TERF1: variants seen among roughly 807,000 people sequenced by gnomAD.
TERF1 encodes the protein telomeric repeat binding factor 1, also known as telomeric repeat-binding factor 1.
In TERF1, 20 loss-of-function variants were observed where a neutral mutation model predicts 55.1. The observed-to-expected ratio is 0.36, with a 90% CI of 0.26 to 0.53. TERF1 has a LOEUF of 0.53. Among genes scored for constraint, TERF1 ranks in the 20% least tolerant of loss-of-function variants. The pLI is 0.91. For missense variants in TERF1, 439 were observed against 535.7 expected (o/e 0.82, Z 1.78); for synonymous variants, 168 against 181.2 (o/e 0.93, Z 0.59).
Position 73,026,923 on chromosome 8 carries a change from C to T in TERF1, c.775-17C>T. On this transcript the variant is annotated splice_polypyrimidine_tract_variant and intron_variant, in intron 5 of 9. Transcript: ENST00000276603. ...GCATTTCTTCCTATCCTTCTACCTCCACGCACGTTTTTTAAGGCAGCGGCA... is the reference window on the plus strand; with the variant it reads ...GCATTTCTTCCTATCCTTCTACCTCTACGCACGTTTTTTAAGGCAGCGGCA... 4 of 1,593,038 alleles carry T rather than the reference C, an allele frequency of 2.5e-6. No individual in the cohort carries two copies. Among genetic ancestry groups the T allele is most frequent in the Non-Finnish European group, 3.4e-6 (4 of 1,164,146 alleles).
intron 8 of TERF1, among the ~76,000 whole-genome samples, chr8:73,037,841 TATA>T (rs1809653676): frequency 2.8e-5 from 3 of 108,028 alleles, no homozygotes; most frequent in Non-Finnish European, 5.2e-5. Context: ...TAATAATATA[TATA>T]ATATATAATA....
At chr8:73,025,037 C>T in intron 5 of TERF1, 66 bp downstream of exon 5, 1 of 984,030 alleles carries the variant, frequency 1.0e-6, no homozygotes, top group Non-Finnish European at 1.4e-6. Flanking sequence ...AAGGAGAATA[C>T]TTGAAATAGA....
chr8:73,010,814 A>T (rs980149669), intron 1 of TERF1: 3 of 152,258 alleles, frequency 2.0e-5, no homozygotes, highest in African/African-American at 7.2e-5. Flanking sequence ...AGAACAATAG[A>T]TACATGGGAT....
chr8:73,032,871 GA>G (rs1188811851), intron 8 of TERF1, among the ~76,000 whole-genome samples: 2 of 151,692 alleles, frequency 1.3e-5, no homozygotes, highest in Non-Finnish European at 2.9e-5. Flanking sequence ...CTGATACTGA[GA>G]TTTTTTTTTT....
intron 6 of TERF1, among the ~76,000 whole-genome samples, chr8:73,029,622 G>A (rs946703406): frequency 5.3e-5 from 8 of 151,998 alleles, no homozygotes; most frequent in Non-Finnish European, 1.2e-4. Flanking sequence ...AAAAGGGGGT[G>A]TAATATTTGT....
chr8:73,034,197 T>C (rs1329375877), intron 8 of TERF1, among the ~76,000 whole-genome samples: 1 of 152,160 alleles, frequency 6.6e-6, no homozygotes, highest in African/African-American at 2.4e-5. Flanking sequence ...GGTGGATCAA[T>C]CTCGGCTCAC....
chr8:73,024,705 T>C (rs1457419792), intron 4 of TERF1, 117 bp from the exon 5 acceptor site: 5 of 742,482 alleles, frequency 6.7e-6, no homozygotes, highest in Non-Finnish European at 1.0e-5. Flanking sequence ...TTTAAAAATA[T>C]CTGTGTCTCT....
At chr8:73,020,599 A>G (rs1389641997) in intron 2 of TERF1, 85 bp from the exon 3 acceptor site, 2 of 1,205,524 alleles carry the variant, frequency 1.7e-6, no homozygotes, top group Non-Finnish European at 2.3e-6. Context: ...TACACTCAGT[A>G]AATATTTAAA....
chr8:73,039,758 C>T (rs1485922398), intron 9 of TERF1, among the ~76,000 whole-genome samples: 1 of 139,578 alleles, frequency 7.2e-6, no homozygotes, highest in East Asian at 2.1e-4. Flanking sequence ...TAAATCTGGT[C>T]TTTGTTTTTG....
chr8:73,023,937 C>T (rs1808875049), intron 4 of TERF1, among the ~76,000 whole-genome samples: 1 of 152,156 alleles, frequency 6.6e-6, no homozygotes, highest in South Asian at 2.1e-4. Context: ...CACTTCTAGA[C>T]AATACCTTAG....
chr8:73,038,382 T>C (rs1809693495), intron 8 of TERF1, among the ~76,000 whole-genome samples: 2 of 151,888 alleles, frequency 1.3e-5, no homozygotes, highest in African/African-American at 4.8e-5. Flanking sequence ...GGCAGAAGTA[T>C]CACTTGAGCC....
rs753789792 is a variant in TERF1, at chr8:73,026,910, A to G, written c.775-30A>G. ...AAAATGGCTTAATGCATTTCTTCCT[A>G]TCCTTCTACCTCCACGCACGTTTTT... On this transcript the variant is annotated intron_variant, in intron 5 of 9. Transcript: ENST00000276603. The G allele has an allele frequency of 1.8e-5, 28 of 1,541,422 alleles. No homozygotes were observed. The Admixed American group carries it at 4.8e-4, about 27-fold the overall frequency.
chr8:73,012,067 T>C (rs892034259), intron 1 of TERF1: 5 of 152,224 alleles, frequency 3.3e-5, no homozygotes, highest in Admixed American at 6.5e-5. Context: ...TTGCAACTCT[T>C]CCTTTCACTG....
chr8:73,018,000 C>T (rs568150604), intron 2 of TERF1, among the ~76,000 whole-genome samples: 4 of 152,214 alleles, frequency 2.6e-5, no homozygotes, highest in South Asian at 4.2e-4. Flanking sequence ...TGAGCCACCG[C>T]GCCTGGCCAT....
At position 73,022,317 on chromosome 8, in the gene TERF1, T is replaced by C. The variant is rs1563460483; in HGVS notation, c.624+15T>C. On this transcript the variant is annotated intron_variant, in intron 4 of 9. Coordinates refer to ENST00000276603, the MANE Select transcript of TERF1 (RefSeq NM_017489.3). ...ATTCTCATATGGTAATTATTTAAAT[T>C]AAAACCATAGAATTTTAGAAGTGTT... 2.0e-6 allele frequency: 3 copies of C among 1,484,234 alleles called. No homozygotes were observed. The African/African-American group carries it at 4.3e-5, about 21-fold the overall frequency. The allele number at this position is 1,484,234 out of a possible 1,614,324, so 91.9% of individuals were successfully genotyped here.
intron 8 of TERF1, among the ~76,000 whole-genome samples, chr8:73,034,579 A>G (rs1219584588): frequency 6.6e-6 from 1 of 152,120 alleles, no homozygotes; most frequent in East Asian, 1.9e-4. Flanking sequence ...TTCAAAAACT[A>G]ATTTTTGTGT....
rs1808144724 is a variant in TERF1 at position 73,008,954 on chromosome 8, C to T, written c.68C>T (p.Pro23Leu). 1.2e-6 allele frequency: 2 copies of T among 1,613,018 alleles called. No individual in the cohort carries two copies. The highest frequency in any genetic ancestry group is 1.3e-5 in the African/African-American group (1 of 75,036). Residue 23 changes from proline to leucine, a missense_variant, in exon 1 of 10, where the codon CCT becomes CTT. By Grantham distance (98) the Pro-to-Leu change is moderately conservative. Around this residue, in one of 4 missense-constraint regions of TERF1, gnomAD observed 179 missense variants for 152.6 expected, o/e 1.17. Transcript: ENST00000276603. ...TGTGCGGATGGTAGGGATGCCGACC[C>T]TACTGAGGAGCAGATGGCAGAAACA... Reference protein sequence around the residue: ...RGCADGRDADPTEEQMAETER... With the variant: ...RGCADGRDADLTEEQMAETER...
At chr8:73,028,723 C>G (rs1809143085) in intron 6 of TERF1, among the ~76,000 whole-genome samples, 4 of 152,160 alleles carry the variant, frequency 2.6e-5, no homozygotes, top group Admixed American at 2.0e-4. Context: ...CAAGCTCTTC[C>G]TTGCCATTCA....
intron 4 of TERF1, 60 bp downstream of exon 4, chr8:73,022,362 T>C: frequency 9.7e-7 from 1 of 1,032,182 alleles, no homozygotes; most frequent in Non-Finnish European, 1.4e-6. Flanking sequence ...TGAGGAAAAC[T>C]GAAAGAAAAT....
Sources: allele counts gnomAD v4.1 joint callset (sites outside exome capture counted in the v4.1 genomes callset), GRCh38; gene constraint gnomAD v4.1.1; regional missense constraint gnomAD v4.1.1; transcripts MANE v1.5; gene names NCBI Gene and HGNC (gene_info 2026-07-23, HGNC 2026-07-21).